ERBB4: variants seen among roughly 807,000 people sequenced by gnomAD.
The protein encoded by ERBB4 is erb-b2 receptor tyrosine kinase 4, also known as receptor tyrosine-protein kinase erbB-4.
In ERBB4, 42 loss-of-function variants were observed where a neutral mutation model predicts 158.0. That is an observed-to-expected ratio of 0.27 (90% CI 0.21 to 0.34). The LOEUF (loss-of-function observed/expected upper bound fraction) is 0.34, where lower values mean the gene tolerates loss of function less well. Among genes scored for constraint, ERBB4 ranks in the 10% least tolerant of loss-of-function variants. ERBB4 has a pLI of 1.00. For synonymous variants in ERBB4, 583 were observed against 558.7 expected (o/e 1.04, Z -0.61); for missense variants, 1,333 against 1,624.1 (o/e 0.82, Z 3.08).
chr2:212,421,423 C>T (rs2091789794), intron 1 of ERBB4, among the ~76,000 whole-genome samples: 1 of 152,072 alleles, frequency 6.6e-6, no homozygotes, highest in Admixed American at 6.6e-5. Context: ...ACCAACAATT[C>T]CACAATTTCA....
intron 1 of ERBB4, among the ~76,000 whole-genome samples, chr2:212,194,778 C>T (rs931796156): frequency 6.6e-6 from 1 of 151,818 alleles, no homozygotes; most frequent in African/African-American, 2.4e-5. Context: ...ATTTCTTATG[C>T]AAAATGTAAA....
chr2:211,881,165 AC>A, intron 3 of ERBB4, among the ~76,000 whole-genome samples: 1 of 152,214 alleles, frequency 6.6e-6, no homozygotes, highest in African/African-American at 2.4e-5. Flanking sequence ...AATCCTAAAA[AC>A]AAAGCACATA....
rs546388195 is a variant in ERBB4, at chr2:212,155,615, C to T, written c.83-30712G>A. On this transcript the variant is annotated intron_variant, in intron 1 of 27. Transcript: ENST00000342788. Reference sequence around the variant, plus strand: ...ACCCAAGAAGCGAGAGGTTCTTAAACGGCGACCACAGAATTCAGGGGTCCG... The same window carrying T: ...ACCCAAGAAGCGAGAGGTTCTTAAATGGCGACCACAGAATTCAGGGGTCCG... 1.7e-4 allele frequency among the ~76,000 whole-genome samples: 26 copies of T among 152,120 alleles called. 1 individual carries two copies. Among genetic ancestry groups the T allele is most frequent in the Admixed American group, 3.3e-4 (5 of 15,250 alleles).
At chr2:212,205,651 A>G (rs2082723939) in intron 1 of ERBB4, among the ~76,000 whole-genome samples, 1 of 152,210 alleles carries the variant, frequency 6.6e-6, no homozygotes, top group African/African-American at 2.4e-5. Flanking sequence ...TAAAGACCTT[A>G]TCTTTATTTG....
chr2:212,269,305 G>A (rs181983991), intron 1 of ERBB4, among the ~76,000 whole-genome samples: 7 of 151,956 alleles, frequency 4.6e-5, no homozygotes, highest in Non-Finnish European at 7.4e-5. Flanking sequence ...TGAGAAATCA[G>A]AAATATAGGA....
At chr2:212,450,820 A>AG (rs1244911880) in intron 1 of ERBB4, among the ~76,000 whole-genome samples, 1 of 135,092 alleles carries the variant, frequency 7.4e-6, no homozygotes, top group African/African-American at 2.9e-5. Context: ...ATTTCAGCCG[A>AG]GAAAAAAAAA....
At chr2:211,640,310 G>C (rs142911021) in intron 16 of ERBB4, among the ~76,000 whole-genome samples, 1 of 152,126 alleles carries the variant, frequency 6.6e-6, no homozygotes, top group East Asian at 1.9e-4. Context: ...GTGTTCATCG[G>C]GGAGTTGGTG....
chr2:212,387,374 C>T (rs569438964), intron 1 of ERBB4, among the ~76,000 whole-genome samples: 2 of 152,126 alleles, frequency 1.3e-5, no homozygotes, highest in Non-Finnish European at 2.9e-5. Context: ...GTCTGGAATT[C>T]ACCATAATAA....
chr2:212,182,812 C>T (rs10804203), intron 1 of ERBB4, among the ~76,000 whole-genome samples: 144,764 of 151,720 alleles, frequency 0.95, 69,114 homozygotes, highest in African/African-American at 0.97. Context: ...TTCACCTTCA[C>T]AGGCCATTAT....
At chr2:211,775,032 A>G (rs1291339815) in intron 4 of ERBB4, among the ~76,000 whole-genome samples, 2 of 152,126 alleles carry the variant, frequency 1.3e-5, no homozygotes, top group African/African-American at 4.8e-5. Context: ...GGTGCTAATA[A>G]TTTTTACTCT....
intron 1 of ERBB4, among the ~76,000 whole-genome samples, chr2:212,499,466 A>G (rs892592400): frequency 1.3e-5 from 2 of 152,124 alleles, no homozygotes; most frequent in African/African-American, 4.8e-5. Context: ...GGAATCAGGT[A>G]TAAATCCACT....
chr2:212,096,704 A>G (rs117943259), intron 2 of ERBB4, among the ~76,000 whole-genome samples: 1 of 152,312 alleles, frequency 6.6e-6, no homozygotes, highest in East Asian at 1.9e-4. Flanking sequence ...ATAAATATCT[A>G]GCTTAATTAT....
intron 3 of ERBB4, among the ~76,000 whole-genome samples, chr2:211,901,401 C>G (rs188686427): frequency 6.4e-4 from 98 of 152,268 alleles, no homozygotes; most frequent in Middle Eastern, 6.8e-3. Context: ...TGGTGTTACA[C>G]TGTGTGTGGG....
intron 4 of ERBB4, among the ~76,000 whole-genome samples, chr2:211,757,362 A>C (rs1196363428): frequency 6.6e-6 from 1 of 152,216 alleles, no homozygotes; most frequent in Non-Finnish European, 1.5e-5. Context: ...AAAAACATTT[A>C]TCGTTGGGAT....
chr2:211,990,030 A>T (rs561341359), intron 2 of ERBB4, among the ~76,000 whole-genome samples: 14 of 151,534 alleles, frequency 9.2e-5, no homozygotes, highest in African/African-American at 3.1e-4. Context: ...AATAAGTATA[A>T]CTAAGTTAGG....
chr2:212,521,508 C>T (rs1692159317), intron 1 of ERBB4, among the ~76,000 whole-genome samples: 1 of 151,850 alleles, frequency 6.6e-6, no homozygotes, highest in Non-Finnish European at 1.5e-5. Flanking sequence ...ATGCTCTTCT[C>T]ATATTTAACG....
intron 4 of ERBB4, among the ~76,000 whole-genome samples, chr2:211,769,371 A>G (rs1006138336): frequency 1.3e-5 from 2 of 152,118 alleles, no homozygotes; most frequent in African/African-American, 2.4e-5. Context: ...CAGGGAAACA[A>G]TCTCTGCCTG....
intron 3 of ERBB4, among the ~76,000 whole-genome samples, chr2:211,913,604 AAAATAT>A (rs778546891): frequency 5.3e-5 from 7 of 132,990 alleles, no homozygotes; most frequent in African/African-American, 9.0e-5. Flanking sequence ...CTATTTCAAA[AAAATAT>A]ATATATATAT....
intron 2 of ERBB4, among the ~76,000 whole-genome samples, chr2:212,120,884 G>T (rs1360387978): frequency 6.6e-6 from 1 of 152,080 alleles, no homozygotes; most frequent in Non-Finnish European, 1.5e-5. Flanking sequence ...CATACAATTT[G>T]AAACTTATAG....
Sources: allele counts gnomAD v4.1 joint callset (sites outside exome capture counted in the v4.1 genomes callset), GRCh38; gene constraint gnomAD v4.1.1; transcripts MANE v1.5; gene names NCBI Gene and HGNC (gene_info 2026-07-23, HGNC 2026-07-21).